PAGE3: variants seen among roughly 807,000 people sequenced by gnomAD.
PAGE3 encodes PAGE family member 3, also known as P antigen family member 3.
Under a neutral mutation model 3.8 loss-of-function variants are expected in PAGE3, and 9 were observed. The ratio of observed to expected loss-of-function variants is 2.36; its 90% CI spans 1.42 to 4.12. The LOEUF is 4.12. Ranked by LOEUF, PAGE3 falls within the 30% of genes most tolerant of loss-of-function variation. The pLI is 0.00. For synonymous variants in PAGE3, 24 were observed against 13.1 expected (o/e 1.83, Z -1.79); for missense variants, 73 against 37.8 (o/e 1.93, Z -2.44).
chrX:55,262,251 T>C (rs1266813965), intron 3 of PAGE3, among the ~76,000 whole-genome samples: 1 of 111,969 alleles, frequency 8.9e-6, no homozygotes, highest in South Asian at 3.7e-4. Context: ...AACCTTTTGA[T>C]GTTTCTAGCC....
chrX:55,260,697 A>G, intron 3 of PAGE3, 38 bp from the exon 4 acceptor site: 1 of 491,742 alleles, frequency 2.0e-6, no homozygotes, highest in Non-Finnish European at 3.7e-6. Flanking sequence ...AAGTTGTAAA[A>G]CATAAAATAT....
At position 55,260,558 on chromosome X, in the gene PAGE3, C is replaced by T. The variant is rs1177846438; in HGVS notation, c.295G>A (p.Glu99Lys). The change falls in exon 4 of 5, where the codon GAG becomes AAG. Residue 99 changes from glutamate (E) to lysine (K), a missense_variant. Glu to Lys is a moderately conservative substitution (Grantham distance 56). Transcript: ENST00000374951. ...CCTGCTTCTGGTATTTTAACAGGCT[C>T]CAGATTTGGCAGAAATTCTCCCTTG... ...NVKGEFLPNL[E>K]PVKIPEAGEG... is the part of the protein sequence containing the mutation. The T allele has an allele frequency of 5.3e-6, 3 of 566,764 alleles. No individual in the cohort carries two copies. Among genetic ancestry groups the T allele is most frequent in the Non-Finnish European group, 9.8e-6 (3 of 307,241 alleles). 46.7% of individuals were successfully genotyped at this position (566,764 alleles called of 1,213,427 possible).
Position 55,259,085 on chromosome X carries a change from C to A in PAGE3, c.320-557G>T, listed in dbSNP as rs183248557. 3.2e-4 allele frequency among the ~76,000 whole-genome samples: 36 copies of A among 111,498 alleles called. 1 individual carries two copies. The highest frequency in any genetic ancestry group is 3.1e-3 in the Admixed American group (32 of 10,451). On this transcript the variant is annotated intron_variant, in intron 4 of 4. Transcript: ENST00000374951. ...GGTTAACCATTTGTCTCTGTTTTCA[C>A]CTGTGGTTCTAGTATAATTATCAAT...
intron 4 of PAGE3, among the ~76,000 whole-genome samples, chrX:55,259,996 C>T (rs1938259059): frequency 9.0e-6 from 1 of 111,261 alleles, no homozygotes; most frequent in African/African-American, 3.3e-5. Context: ...TTCAGAAGCT[C>T]ATATAACTAA....
At chrX:55,258,653 T>C in intron 4 of PAGE3, 125 bp from the exon 5 acceptor site, 1 of 439,223 alleles carries the variant, frequency 2.3e-6, no homozygotes, top group Non-Finnish European at 4.0e-6. Flanking sequence ...CCCTCTGGCT[T>C]ATATCCAGTT....
chrX:55,263,196 G>T, intron 3 of PAGE3, 55 bp downstream of exon 3: 2 of 515,611 alleles, frequency 3.9e-6, no homozygotes, highest in Non-Finnish European at 7.1e-6. Flanking sequence ...CATAATACAT[G>T]ATATATACAT....
intron 1 of PAGE3, among the ~76,000 whole-genome samples, chrX:55,264,307 T>C (rs1458335033): frequency 9.0e-6 from 1 of 110,900 alleles, no homozygotes; most frequent in Middle Eastern, 4.2e-3. Context: ...GCCTCTCCCA[T>C]TCCTGCCCGA....
At chrX:55,263,597 T>C (rs1269532822) in intron 2 of PAGE3, among the ~76,000 whole-genome samples, 2 of 111,570 alleles carry the variant, frequency 1.8e-5, no homozygotes, top group Non-Finnish European at 3.8e-5. Flanking sequence ...GTGTTATGAA[T>C]AAGCAGGAGA....
At chrX:55,263,449 T>G in intron 2 of PAGE3, 90 bp from the exon 3 acceptor site, 2 of 446,314 alleles carry the variant, frequency 4.5e-6, no homozygotes, top group Non-Finnish European at 7.9e-6. Flanking sequence ...CAAATATATC[T>G]TACCATAAAT....
intron 3 of PAGE3, among the ~76,000 whole-genome samples, chrX:55,261,296 A>G (rs1310017539): frequency 1.8e-5 from 2 of 111,450 alleles, no homozygotes; most frequent in African/African-American, 6.5e-5. Context: ...TTTGAATATA[A>G]GCTATATATT....
intron 3 of PAGE3, among the ~76,000 whole-genome samples, chrX:55,260,925 A>G (rs1186240119): frequency 1.8e-5 from 2 of 111,717 alleles, no homozygotes; most frequent in African/African-American, 6.5e-5. Context: ...ATGTTATTGT[A>G]CTTATCATTT....
Position 55,260,226 on chromosome X carries a change from T to C in PAGE3, c.319+308A>G, listed in dbSNP as rs752250146. 2.3e-4 allele frequency among the ~76,000 whole-genome samples: 26 copies of C among 111,648 alleles called. No homozygotes were observed. The South Asian group carries it at 6.4e-3, about 27-fold the overall frequency. ...GAATATCTGTTACAAATTCATTAGG[T>C]ATTTATTAAAAGCAGACCTTTATAA... On this transcript the variant is annotated intron_variant, in intron 4 of 4. Coordinates refer to ENST00000374951, the MANE Select transcript of PAGE3 (RefSeq NM_001017931.3).
chrX:55,262,499 T>G (rs1039809853), intron 3 of PAGE3, among the ~76,000 whole-genome samples: 20 of 110,410 alleles, frequency 1.8e-4, no homozygotes, highest in Admixed American at 3.9e-4. Flanking sequence ...ATTTTAGTAT[T>G]AAACAGTTTA....
At chrX:55,258,833 GA>G (rs34719048) in intron 4 of PAGE3, among the ~76,000 whole-genome samples, 34 of 106,137 alleles carry the variant, frequency 3.2e-4, no homozygotes, top group African/African-American at 6.8e-4. Context: ...TGTAATTTTA[GA>G]AAAAAAAAAT....
chrX:55,263,721 A>G, intron 2 of PAGE3, 99 bp downstream of exon 2: 3 of 442,438 alleles, frequency 6.8e-6, no homozygotes, highest in South Asian at 4.2e-5. Context: ...ATTACCATTT[A>G]CAAGCATGGA....
intron 3 of PAGE3, among the ~76,000 whole-genome samples, 179 bp downstream of exon 3, chrX:55,263,072 A>G: frequency 9.0e-6 from 1 of 110,693 alleles, no homozygotes; most frequent in Non-Finnish European, 1.9e-5. Context: ...CGAATGCATT[A>G]TACTAAGGGA....
intron 3 of PAGE3, among the ~76,000 whole-genome samples, 189 bp downstream of exon 3, chrX:55,263,062 C>T (rs977266818): frequency 1.8e-5 from 2 of 110,245 alleles, no homozygotes; most frequent in Non-Finnish European, 3.8e-5. Context: ...TCTTGAAGGT[C>T]GAATGCATTA....
At chrX:55,260,323 T>A (rs1219165833) in intron 4 of PAGE3, among the ~76,000 whole-genome samples, 1 of 111,961 alleles carries the variant, frequency 8.9e-6, no homozygotes, top group Non-Finnish European at 1.9e-5. Flanking sequence ...TCACATTTTA[T>A]AATTGAATGT....
chrX:55,263,745 A>G, intron 2 of PAGE3, 75 bp downstream of exon 2: 1 of 489,578 alleles, frequency 2.0e-6, no homozygotes, highest in Non-Finnish European at 3.6e-6. Context: ...CCTTATTAAT[A>G]TATCAATATT....
Sources: gnomAD v4.1 joint callset for allele counts (sites outside exome capture counted in the v4.1 genomes callset) on GRCh38, gnomAD v4.1.1 for gene constraint, MANE v1.5 for transcripts, NCBI Gene and HGNC (gene_info 2026-07-23, HGNC 2026-07-21) for gene names.